Variants in EPHA3 observed in about 807,000 individuals in gnomAD.
The protein encoded by EPHA3 is EPH receptor A3, also known as ephrin type-A receptor 3.
Under a neutral mutation model 107.1 loss-of-function variants are expected in EPHA3, and 42 were observed. The ratio of observed to expected loss-of-function variants is 0.39; its 90% CI spans 0.31 to 0.51. The LOEUF is 0.51. Among genes scored for constraint, EPHA3 ranks in the 20% least tolerant of loss-of-function variants. The pLI, the probability that EPHA3 is intolerant of heterozygous loss-of-function variation, is 0.78. For synonymous variants in EPHA3, 461 were observed against 424.8 expected, an observed-to-expected ratio of 1.09 and a Z score of -1.05; for missense variants, 1,183 against 1,211.2, an observed-to-expected ratio of 0.98 and a Z score of 0.35.
intron 2 of EPHA3, among the ~76,000 whole-genome samples, chr3:89,146,455 T>A (rs1704561009): frequency 6.6e-6 from 1 of 152,032 alleles, no homozygotes; most frequent in Non-Finnish European, 1.5e-5. Context: ...GAGAAGTGTC[T>A]GTTCATATCC....
At chr3:89,200,102 C>T (rs1705936364) in intron 2 of EPHA3, among the ~76,000 whole-genome samples, 1 of 152,082 alleles carries the variant, frequency 6.6e-6, no homozygotes, top group African/African-American at 2.4e-5. Context: ...AACAGCTATC[C>T]TGTCTATCTG....
intron 5 of EPHA3, among the ~76,000 whole-genome samples, chr3:89,353,718 G>A (rs1021671260): frequency 6.6e-6 from 1 of 151,264 alleles, no homozygotes; most frequent in Non-Finnish European, 1.5e-5. Context: ...TTGCGTAACT[G>A]TAGAATGAGC....
intron 7 of EPHA3, among the ~76,000 whole-genome samples, chr3:89,405,808 C>G (rs549441583): frequency 1.3e-5 from 2 of 152,108 alleles, no homozygotes; most frequent in Non-Finnish European, 2.9e-5. Context: ...ATAAAAGAGG[C>G]TGTTCCAGGA....
chr3:89,275,704 T>C (rs926711746), intron 3 of EPHA3, among the ~76,000 whole-genome samples: 1 of 152,070 alleles, frequency 6.6e-6, no homozygotes, highest in African/African-American at 2.4e-5. Flanking sequence ...CAGGGTGAAA[T>C]AGAAAGTTTG....
At chr3:89,204,577 T>A (rs1477278197) in intron 2 of EPHA3, among the ~76,000 whole-genome samples, 2 of 149,738 alleles carry the variant, frequency 1.3e-5, no homozygotes, top group East Asian at 4.0e-4. Flanking sequence ...CTTTTTATAA[T>A]ATACCTTTAG....
At chr3:89,133,227 C>T (rs770062069) in intron 2 of EPHA3, among the ~76,000 whole-genome samples, 3 of 152,102 alleles carry the variant, frequency 2.0e-5, no homozygotes, top group Non-Finnish European at 4.4e-5. Context: ...TCAGCAGGCA[C>T]CTCTTCTAAA....
At chr3:89,228,499 G>T (rs2107220151) in intron 3 of EPHA3, among the ~76,000 whole-genome samples, 1 of 151,952 alleles carries the variant, frequency 6.6e-6, no homozygotes, top group Admixed American at 6.6e-5. Flanking sequence ...ATGTCATATT[G>T]ATTTACATAA....
At chr3:89,302,005 A>C (rs1046694839) in intron 3 of EPHA3, among the ~76,000 whole-genome samples, 1 of 152,186 alleles carries the variant, frequency 6.6e-6, no homozygotes, top group Non-Finnish European at 1.5e-5. Flanking sequence ...CTGCCTTAGA[A>C]AAGTTATAAA....
At chr3:89,165,614 AT>A (rs1705044524) in intron 2 of EPHA3, among the ~76,000 whole-genome samples, 1 of 152,150 alleles carries the variant, frequency 6.6e-6, no homozygotes, top group African/African-American at 2.4e-5. Context: ...TCTCTGCTTA[AT>A]TTTTAATGTT....
intron 1 of EPHA3, among the ~76,000 whole-genome samples, chr3:89,121,132 A>G (rs758961688): frequency 6.0e-4 from 91 of 152,128 alleles, no homozygotes; most frequent in Non-Finnish European, 1.3e-3. Flanking sequence ...GCTACTCGGG[A>G]GGCTGAGGCA....
rs1254420400 is a variant in EPHA3 at position 89,445,221 on chromosome 3, G to T, written c.2347-4004G>T. On this transcript the variant is annotated intron_variant, in intron 13 of 16. Transcript: ENST00000336596. ...GGGGAGGTTGCAGTGAGCCGAGAAC[G>T]CACTGCACCACCGCATTCCAGACCT... 2.0e-5 allele frequency among the ~76,000 whole-genome samples: 3 copies of T among 152,136 alleles called. No homozygotes were observed. In the South Asian group the frequency reaches 6.2e-4, roughly 32 times the overall value.
chr3:89,219,194 G>C (rs1258760128), intron 3 of EPHA3, among the ~76,000 whole-genome samples: 1 of 147,138 alleles, frequency 6.8e-6, no homozygotes, highest in Non-Finnish European at 1.5e-5. Flanking sequence ...ATGGAGTTTT[G>C]CTCTTGTTGC....
At chr3:89,213,362 T>C (rs1704152266) in intron 3 of EPHA3, among the ~76,000 whole-genome samples, 1 of 152,034 alleles carries the variant, frequency 6.6e-6, no homozygotes, top group South Asian at 2.1e-4. Flanking sequence ...ATTTCTATAT[T>C]TCTATACCAA....
intron 3 of EPHA3, among the ~76,000 whole-genome samples, chr3:89,328,516 T>C (rs1707220044): frequency 6.6e-6 from 1 of 152,224 alleles, no homozygotes; most frequent in Non-Finnish European, 1.5e-5. Context: ...TCTATCTTCA[T>C]AGTCACCCTT....
intron 3 of EPHA3, among the ~76,000 whole-genome samples, chr3:89,213,827 C>T (rs549805288): frequency 6.6e-6 from 1 of 152,002 alleles, no homozygotes; most frequent in Non-Finnish European, 1.5e-5. Context: ...CTATAATTAT[C>T]GAGATTCTTA....
intron 2 of EPHA3, among the ~76,000 whole-genome samples, chr3:89,137,349 C>T (rs1343311183): frequency 2.6e-5 from 4 of 151,856 alleles, no homozygotes; most frequent in African/African-American, 2.4e-5. Context: ...AAAAGCTTTG[C>T]TTATTTAAAA....
intron 3 of EPHA3, among the ~76,000 whole-genome samples, chr3:89,278,553 G>A (rs1170545445): frequency 6.6e-6 from 1 of 152,120 alleles, no homozygotes; most frequent in Non-Finnish European, 1.5e-5. Flanking sequence ...AAGGCCATGG[G>A]CTTCCTTTAC....
At chr3:89,302,617 G>A (rs1356458318) in intron 3 of EPHA3, among the ~76,000 whole-genome samples, 1 of 152,026 alleles carries the variant, frequency 6.6e-6, no homozygotes, top group Non-Finnish European at 1.5e-5. Flanking sequence ...TGTCATGACT[G>A]CTTATTTTTC....
intron 3 of EPHA3, among the ~76,000 whole-genome samples, chr3:89,242,426 G>A (rs1403959943): frequency 6.6e-6 from 1 of 151,966 alleles, no homozygotes; most frequent in East Asian, 1.9e-4. Flanking sequence ...TGTTGTTTTT[G>A]TTTTGTGTTT....
Sources: gnomAD v4.1 joint callset for allele counts (sites outside exome capture counted in the v4.1 genomes callset) on GRCh38, gnomAD v4.1.1 for gene constraint, MANE v1.5 for transcripts, NCBI Gene and HGNC (gene_info 2026-07-23, HGNC 2026-07-21) for gene names.